FCRL2: variants seen among roughly 807,000 people sequenced by gnomAD.
The protein encoded by FCRL2 is Fc receptor-like protein 2.
In FCRL2, 48 loss-of-function variants were observed where a neutral mutation model predicts 59.8. The ratio of observed to expected loss-of-function variants is 0.80; its 90% CI spans 0.64 to 1.02. FCRL2 has a LOEUF of 1.02. Ranked by LOEUF, FCRL2 falls within the 50% of genes least tolerant of loss-of-function variation. The probability of loss-of-function intolerance (pLI) is 0.00; values close to 1 mark genes in which losing one functional copy is unlikely to be tolerated. For missense variants in FCRL2, 658 were observed against 597.3 expected (o/e 1.10, Z -1.06); for synonymous variants, 251 against 229.5 (o/e 1.09, Z -0.85).
intron 5 of FCRL2, 150 bp from the exon 6 acceptor site, chr1:157,767,659 T>A: frequency 1.2e-6 from 2 of 1,601,018 alleles, no homozygotes; most frequent in Non-Finnish European, 1.7e-6. Context: ...TAGAGATAAT[T>A]TTCTCAACAA....
chr1:157,759,257 T>G (rs923930112), intron 7 of FCRL2, among the ~76,000 whole-genome samples: 5 of 152,216 alleles, frequency 3.3e-5, no homozygotes, highest in Non-Finnish European at 5.9e-5. Flanking sequence ...CATGTGGAAC[T>G]GTGAGTCGAT....
rs1271514797 is a variant in FCRL2 at position 157,775,938 on chromosome 1, A to G, written c.32-143T>C. On this transcript the variant is annotated intron_variant, in intron 1 of 11. Transcript: ENST00000361516. ...TTTCCCTAATCTCTTATTACTAACA[A>G]TTCAATCTCCCTCGAGCACACATCT... The G allele has an allele frequency of 5.5e-6, 5 of 903,528 alleles. No homozygotes were observed. In the Admixed American group the frequency reaches 1.3e-4, roughly 23 times the overall value. 56.0% of individuals were successfully genotyped at this position (903,528 alleles called of 1,614,324 possible). A position where few individuals can be genotyped will look rare whatever the true frequency, so the allele number is the denominator to read the frequency against.
intron 1 of FCRL2, 48 bp from the exon 2 acceptor site, chr1:157,775,843 A>G (rs1169998582): frequency 6.3e-7 from 1 of 1,599,064 alleles, no homozygotes; most frequent in Non-Finnish European, 8.5e-7. Context: ...ATTTGCCCTC[A>G]TAATTTATAA....
At chr1:157,747,009 A>G in intron 10 of FCRL2, 110 bp from the exon 11 acceptor site, 1 of 1,138,870 alleles carries the variant, frequency 8.8e-7, no homozygotes, top group South Asian at 1.4e-5. Flanking sequence ...GTGGAATCCC[A>G]TTTTCTCCTG....
chr1:157,749,553 A>C, intron 8 of FCRL2, 97 bp downstream of exon 8: 1 of 804,190 alleles, frequency 1.2e-6, no homozygotes, highest in Non-Finnish European at 2.1e-6. Context: ...TTAATTACAT[A>C]GCTTCAGTCT....
At chr1:157,772,927 T>C (rs1650134468) in intron 2 of FCRL2, among the ~76,000 whole-genome samples, 1 of 152,090 alleles carries the variant, frequency 6.6e-6, no homozygotes, top group African/African-American at 2.4e-5. Flanking sequence ...ATTTACAACC[T>C]AGTTCTGCCC....
chr1:157,748,889 G>A lies in FCRL2; in HGVS notation c.1379C>T (p.Pro460Leu), dbSNP rs1217196458. Residue 460 changes from proline (P) to leucine (L), a missense_variant, in exon 9 of 12, where the codon CCA (proline) becomes CTA (leucine). Physicochemically the swap from Pro to Leu is moderately conservative, Grantham distance 98 (BLOSUM62 -3). Transcript: ENST00000361516. The stretch of plus-strand genomic sequence containing the variant: ...GAGACACTCACCATTGACATACACT[G>A]GCTGCAGCTCCTCCATGTCTGGGGT... ...SPTPDMEELQ[P>L]VYVNVGSVDV... is the part of the protein sequence containing the mutation. 1 of 1,613,634 alleles carries A rather than the reference G, an allele frequency of 6.2e-7. No individual in the cohort carries two copies. Among genetic ancestry groups the A allele is most frequent in the Non-Finnish European group, 8.5e-7 (1 of 1,179,800 alleles).
Position 157,770,272 on chromosome 1 carries a change from A to G in FCRL2, c.311-122T>C. 3 of 1,450,310 alleles carry G rather than the reference A, an allele frequency of 2.1e-6. No individual in the cohort carries two copies. In the South Asian group the frequency reaches 4.0e-5, roughly 19 times the overall value. 89.8% of individuals were successfully genotyped at this position (1,450,310 alleles called of 1,614,324 possible). ...CAGAGCTAGACACCTCTCACCCATC[A>G]TGGCTCCTTTGATGATCAAACCACA... On this transcript the variant is annotated intron_variant, in intron 3 of 11. Transcript: ENST00000361516.
chr1:157,755,200 A>T (rs1648493518), intron 7 of FCRL2, among the ~76,000 whole-genome samples: 2 of 152,212 alleles, frequency 1.3e-5, no homozygotes, highest in African/African-American at 4.8e-5. Flanking sequence ...TAATACATTT[A>T]GTATAAACAG....
chr1:157,774,765 T>G (rs1309682931), intron 2 of FCRL2, among the ~76,000 whole-genome samples: 1 of 152,174 alleles, frequency 6.6e-6, no homozygotes, highest in African/African-American at 2.4e-5. Context: ...CCTGAGCAAG[T>G]TCCAGGTAGG....
At chr1:157,763,183 C>T (rs1327015274) in intron 7 of FCRL2, among the ~76,000 whole-genome samples, 1 of 152,192 alleles carries the variant, frequency 6.6e-6, no homozygotes, top group East Asian at 1.9e-4. Context: ...AAGAAAACTT[C>T]ACATATCAGT....
chr1:157,763,673 G>C (rs958869571), intron 7 of FCRL2, among the ~76,000 whole-genome samples: 1 of 152,146 alleles, frequency 6.6e-6, no homozygotes, highest in Non-Finnish European at 1.5e-5. Context: ...GAAAAAAATA[G>C]TTCACACAAA....
At chr1:157,755,553 A>T (rs1421954181) in intron 7 of FCRL2, among the ~76,000 whole-genome samples, 2 of 152,220 alleles carry the variant, frequency 1.3e-5, no homozygotes, top group African/African-American at 4.8e-5. Context: ...AAGAAATGAC[A>T]TCTAAAAGAA....
intron 10 of FCRL2, among the ~76,000 whole-genome samples, chr1:157,747,301 A>G (rs1647823533): frequency 6.6e-6 from 1 of 152,056 alleles, no homozygotes; most frequent in African/African-American, 2.4e-5. Context: ...ATAACAGAAG[A>G]CAGACTCTGA....
Position 157,770,479 on chromosome 1 carries a change from A to G in FCRL2, c.240T>C (p.Tyr80=). The part of the protein sequence containing the change: ...QSAVLSDSGN[Y]FCSTKGQLFL... ...AGAGTTGTCCTTTGGTACTACAGAA[A>G]TAGTTACCACTGTCACTTAAAACTG... The change falls in exon 3 of 12, where the codon TAT becomes TAC. Residue 80 remains tyrosine (Y), a synonymous_variant. Coordinates refer to ENST00000361516, the MANE Select transcript of FCRL2 (RefSeq NM_030764.4). The G allele has an allele frequency of 6.2e-7, 1 of 1,613,940 alleles. No homozygotes were observed. Among genetic ancestry groups the G allele is most frequent in the Non-Finnish European group, 8.5e-7 (1 of 1,179,774 alleles).
chr1:157,772,587 G>C (rs907305518), intron 2 of FCRL2, among the ~76,000 whole-genome samples: 1 of 152,142 alleles, frequency 6.6e-6, no homozygotes, highest in Non-Finnish European at 1.5e-5. Context: ...GATACTGATT[G>C]ATTTCAGTTC....
At chr1:157,774,687 T>C (rs1427173492) in intron 2 of FCRL2, among the ~76,000 whole-genome samples, 1 of 152,162 alleles carries the variant, frequency 6.6e-6, no homozygotes, top group African/African-American at 2.4e-5. Flanking sequence ...AGTGGAGTGA[T>C]GGGTATCACA....
chr1:157,770,304 C>G (rs1649899307), intron 3 of FCRL2, 105 bp downstream of exon 3: 2 of 1,463,934 alleles, frequency 1.4e-6, no homozygotes, highest in East Asian at 4.5e-5. Flanking sequence ...CACAAGCACT[C>G]CCGTCTATAT....
chr1:157,762,721 A>AAAAAC (rs1273789214), intron 7 of FCRL2, among the ~76,000 whole-genome samples: 4 of 143,318 alleles, frequency 2.8e-5, no homozygotes, highest in African/African-American at 7.5e-5. Context: ...ACCTATAAAG[A>AAAAAC]AAAACAAAAC....
Sources: gnomAD v4.1 joint callset for allele counts (sites outside exome capture counted in the v4.1 genomes callset) on GRCh38, gnomAD v4.1.1 for gene constraint, MANE v1.5 for transcripts, NCBI Gene and HGNC (gene_info 2026-07-23, HGNC 2026-07-21) for gene names.